Variants in TRAF3 observed in about 807,000 individuals in gnomAD.
The protein encoded by TRAF3 is TNF receptor-associated factor 3.
A neutral mutation model predicts 62.3 loss-of-function variants in TRAF3; 13 were observed. The observed-to-expected ratio is 0.21, with a 90% CI of 0.14 to 0.33. The LOEUF (loss-of-function observed/expected upper bound fraction) is 0.33. Among genes scored for constraint, TRAF3 ranks in the 10% least tolerant of loss-of-function variants. TRAF3 has a pLI of 1.00. For synonymous variants in TRAF3, 269 were observed against 283.4 expected, an observed-to-expected ratio of 0.95 and a Z score of 0.51; for missense variants, 440 against 741.8, an observed-to-expected ratio of 0.59 and a Z score of 4.73.
chr14:102,903,433 AGGCAGG>A lies in TRAF3; in HGVS notation c.1135+8_1135+13del, dbSNP rs1890408013. 1 of 1,613,502 alleles carries A rather than the reference AGGCAGG, an allele frequency of 6.2e-7. No individual in the cohort carries two copies. The highest frequency in any genetic ancestry group is 8.5e-7 in the Non-Finnish European group (1 of 1,179,832). On this transcript the variant is annotated splice_donor_5th_base_variant and intron_variant, in intron 11 of 11. Coordinates refer to ENST00000392745, the MANE Select transcript of TRAF3 (RefSeq NM_145725.3). This position sits in a 1 kb window ranked among gnomAD's most constrained non-coding sequence, Gnocchi z 6.4. ...GGGCAAGTGGCTCGGAACACAGGTGAGGCAGGGGCCGGGGCCGGGCCAGCAGTGTGC... is the reference window on the plus strand; with the variant it reads ...GGGCAAGTGGCTCGGAACACAGGTGAGGCCGGGGCCGGGCCAGCAGTGTGC...
chr14:102,818,446 G>A (rs930476465), intron 1 of TRAF3, among the ~76,000 whole-genome samples: 3 of 152,152 alleles, frequency 2.0e-5, no homozygotes, highest in African/African-American at 7.2e-5. Context: ...TCAGATCTTG[G>A]CTTTCTTCTT....
At chr14:102,786,960 C>T (rs1197553183) in intron 1 of TRAF3, among the ~76,000 whole-genome samples, 1 of 152,186 alleles carries the variant, frequency 6.6e-6, no homozygotes, top group Non-Finnish European at 1.5e-5. Flanking sequence ...TGTCACCATA[C>T]TTCCGCACTT....
rs71119743 is a variant in TRAF3 at position 102,811,913 on chromosome 14, C to CTTTTTTTTTTTTTTTTTTTTTTTT, written c.-156-18414_-156-18391dup. Among the ~76,000 whole-genome samples the CTTTTTTTTTTTTTTTTTTTTTTTT allele has an allele frequency of 1.3e-4, 6 of 47,090 alleles. 1 individual carries two copies. The highest frequency in any genetic ancestry group is 9.9e-4 in the East Asian group (1 of 1,014). The allele number at this position is 47,090 out of a possible 152,430, so 30.9% of individuals were successfully genotyped here. ...TAGGCTTGTGCCACCATGCCTGGCC[C>CTTTTTTTTTTTTTTTTTTTTTTTT]TTTTTTTTTTTTTTTTTTTTTTTTT... On this transcript the variant is annotated intron_variant, in intron 1 of 11. Transcript: ENST00000392745.
At chr14:102,858,118 G>C (rs1414624972) in intron 2 of TRAF3, among the ~76,000 whole-genome samples, 1 of 151,330 alleles carries the variant, frequency 6.6e-6, no homozygotes, top group Non-Finnish European at 1.5e-5. Flanking sequence ...AATCATTTCA[G>C]CTCTCCATGA....
chr14:102,886,419 T>C lies in TRAF3; in HGVS notation c.651+150T>C, dbSNP rs1889393330. On this transcript the variant is annotated intron_variant, in intron 7 of 11. Transcript: ENST00000392745. ...AAACAAAAACCACAGCAAAAAGCCT[T>C]ATGCCATTTTTTGGAAGTCAGAAGC... The C allele has an allele frequency of 4.2e-6, 3 of 717,364 alleles. No homozygotes were observed. The Admixed American group carries it at 6.8e-5, about 16-fold the overall frequency. The allele number at this position is 717,364 out of a possible 1,614,324, so 44.4% of individuals were successfully genotyped here.
At chr14:102,836,030 C>T (rs781059842) in intron 2 of TRAF3, among the ~76,000 whole-genome samples, 4 of 152,310 alleles carry the variant, frequency 2.6e-5, no homozygotes, top group African/African-American at 4.8e-5. Flanking sequence ...CACTGCACTC[C>T]ATCGTGGGTG....
chr14:102,845,144 C>T (rs563607126), intron 2 of TRAF3, among the ~76,000 whole-genome samples: 1 of 152,080 alleles, frequency 6.6e-6, no homozygotes, highest in East Asian at 1.9e-4. Context: ...GATCCACCCA[C>T]CTCGGCCTCC....
At chr14:102,870,592 C>T (rs1317863013) in intron 3 of TRAF3, 146 bp downstream of exon 3, 12 of 1,170,500 alleles carry the variant, frequency 1.0e-5, no homozygotes, top group Non-Finnish European at 1.1e-5. Context: ...GCTTGTGAAT[C>T]CTTTAGGGAG....
intron 2 of TRAF3, among the ~76,000 whole-genome samples, chr14:102,866,928 C>A (rs370275935): frequency 6.6e-6 from 1 of 151,580 alleles, no homozygotes; most frequent in Non-Finnish European, 1.5e-5. Flanking sequence ...TGGCATTTCA[C>A]GGAAGAGAAA....
At chr14:102,889,452 T>C in intron 7 of TRAF3, 108 bp from the exon 8 acceptor site, 1 of 1,156,850 alleles carries the variant, frequency 8.6e-7, no homozygotes, top group Non-Finnish European at 1.3e-6. Flanking sequence ...CCTGTAGCGA[T>C]AAACACCATT....
chr14:102,788,658 C>T (rs550720653), intron 1 of TRAF3, among the ~76,000 whole-genome samples: 127 of 152,182 alleles, frequency 8.3e-4, no homozygotes, highest in Non-Finnish European at 1.6e-3. Context: ...ATTAGCTGGG[C>T]GTGGTGGCGC....
At chr14:102,845,824 T>G (rs1886672979) in intron 2 of TRAF3, among the ~76,000 whole-genome samples, 1 of 151,092 alleles carries the variant, frequency 6.6e-6, no homozygotes, top group African/African-American at 2.4e-5. Context: ...CCAAAAAAAG[T>G]TTTGAATTTG....
intron 2 of TRAF3, among the ~76,000 whole-genome samples, chr14:102,852,438 T>C (rs2139736470): frequency 6.6e-6 from 1 of 152,362 alleles, no homozygotes; most frequent in South Asian, 2.1e-4. Flanking sequence ...GCCTGCTTGC[T>C]GTCCTCACCA....
intron 1 of TRAF3, among the ~76,000 whole-genome samples, chr14:102,803,675 A>G (rs1898585495): frequency 6.6e-6 from 1 of 151,630 alleles, no homozygotes; most frequent in South Asian, 2.1e-4. Flanking sequence ...CCTCCTGAGT[A>G]GCTGGGTGTG....
At chr14:102,863,292 T>A (rs1887787726) in intron 2 of TRAF3, among the ~76,000 whole-genome samples, 1 of 152,250 alleles carries the variant, frequency 6.6e-6, no homozygotes, top group African/African-American at 2.4e-5. Context: ...ACAGTCATTG[T>A]TTGTATAGTT....
At chr14:102,861,079 A>C (rs1041402099) in intron 2 of TRAF3, among the ~76,000 whole-genome samples, 3 of 152,246 alleles carry the variant, frequency 2.0e-5, no homozygotes, top group Non-Finnish European at 4.4e-5. Context: ...CAGGGAGGCC[A>C]GAGAAAGACC....
intron 1 of TRAF3, among the ~76,000 whole-genome samples, chr14:102,814,125 T>C (rs1040085147): frequency 1.3e-5 from 2 of 152,232 alleles, no homozygotes; most frequent in Non-Finnish European, 2.9e-5. Flanking sequence ...TTCACTCTTC[T>C]GCATATGGAT....
intron 1 of TRAF3, among the ~76,000 whole-genome samples, chr14:102,780,847 G>A (rs1181672591): frequency 6.6e-6 from 1 of 152,172 alleles, no homozygotes; most frequent in Non-Finnish European, 1.5e-5. Flanking sequence ...TGGCCCCTGT[G>A]CACAGTGAAG....
chr14:102,805,090 G>C (rs181667270), intron 1 of TRAF3, among the ~76,000 whole-genome samples: 1 of 152,274 alleles, frequency 6.6e-6, no homozygotes, highest in East Asian at 1.9e-4. Flanking sequence ...TGGTGCTTAA[G>C]GGAGTATTTG....
Sources: gnomAD v4.1 joint callset for allele counts (sites outside exome capture counted in the v4.1 genomes callset) on GRCh38, gnomAD v4.1.1 for gene constraint, Gnocchi (gnomAD v3.1) non-coding constraint, MANE v1.5 for transcripts, NCBI Gene and HGNC (gene_info 2026-07-23, HGNC 2026-07-21) for gene names.